The following RANBP17 variants were observed in gnomAD, a reference collection of about 807,000 sequenced individuals.
The protein encoded by RANBP17 is ran-binding protein 17.
In RANBP17, 158 loss-of-function variants were observed where a neutral mutation model predicts 141.2. That is an observed-to-expected ratio of 1.12 (90% CI 0.98 to 1.28). The LOEUF is 1.28. Ranked by LOEUF, RANBP17 falls within the 50% of genes most tolerant of loss-of-function variation. RANBP17 has a pLI of 0.00. For missense variants in RANBP17, 1,438 were observed against 1,290.7 expected (o/e 1.11, Z -1.75); for synonymous variants, 430 against 450.0 (o/e 0.96, Z 0.56).
At chr5:171,146,225 A>G (rs1415118632) in intron 14 of RANBP17, among the ~76,000 whole-genome samples, 1 of 152,226 alleles carries the variant, frequency 6.6e-6, no homozygotes, top group Non-Finnish European at 1.5e-5. Context: ...ATGGATGATA[A>G]GCAGTGTGCC....
chr5:171,114,665 T>C (rs1755486054), intron 14 of RANBP17, among the ~76,000 whole-genome samples: 1 of 149,526 alleles, frequency 6.7e-6, no homozygotes, highest in African/African-American at 2.5e-5. Flanking sequence ...TTGAATAATA[T>C]ATTTGCCAGC....
intron 14 of RANBP17, among the ~76,000 whole-genome samples, chr5:171,159,938 A>AAAAG (rs1561716519): frequency 6.6e-6 from 1 of 150,800 alleles, no homozygotes; most frequent in Non-Finnish European, 1.5e-5. Flanking sequence ...AAAAAAAAAA[A>AAAAG]AAAGAAAAAA....
chr5:171,224,017 C>CCCTAGT (rs1239196302), intron 22 of RANBP17, among the ~76,000 whole-genome samples: 11 of 152,212 alleles, frequency 7.2e-5, no homozygotes, highest in Non-Finnish European at 1.5e-4. Flanking sequence ...TTGAGCTATT[C>CCCTAGT]TGGTAAAAGG....
chr5:170,936,563 A>T (rs1402669443), intron 12 of RANBP17, among the ~76,000 whole-genome samples: 1 of 152,148 alleles, frequency 6.6e-6, no homozygotes, highest in Non-Finnish European at 1.5e-5. Context: ...ACTGATTTTT[A>T]AATTTTACCT....
At position 171,265,766 on chromosome 5, in the gene RANBP17, G is replaced by T; in HGVS notation, c.2862G>T (p.Lys954Asn). Residue 954 changes from lysine to asparagine, a missense_variant, in exon 25 of 28, where the codon AAG (lysine) becomes AAT (asparagine). Coordinates refer to ENST00000523189, the MANE Select transcript of RANBP17 (RefSeq NM_022897.5). ...AGCACATAGCAAAAGAGGGCAAGAAGCCACTTCGATGCAGAGAGGCTACCC... is the reference window on the plus strand; with the variant it reads ...AGCACATAGCAAAAGAGGGCAAGAATCCACTTCGATGCAGAGAGGCTACCC... Reference protein sequence around the residue: ...LFKHIAKEGKKPLRCREATQA... With the variant: ...LFKHIAKEGKNPLRCREATQA... The T allele has an allele frequency of 6.2e-7, 1 of 1,614,126 alleles. No individual in the cohort carries two copies. Among genetic ancestry groups the T allele is most frequent in the African/African-American group, 1.3e-5 (1 of 75,028 alleles).
intron 12 of RANBP17, among the ~76,000 whole-genome samples, chr5:170,928,861 G>T (rs1311132475): frequency 3.3e-5 from 5 of 151,496 alleles, no homozygotes; most frequent in Non-Finnish European, 7.4e-5. Flanking sequence ...TTCAAAGTAG[G>T]TGCTAGCATT....
chr5:171,176,615 A>T (rs1295883076), intron 16 of RANBP17, among the ~76,000 whole-genome samples: 1 of 152,132 alleles, frequency 6.6e-6, no homozygotes, highest in Non-Finnish European at 1.5e-5. Context: ...TATAGTTTCT[A>T]TTTCTTCTGT....
chr5:171,022,031 C>T (rs1235239176), intron 14 of RANBP17, among the ~76,000 whole-genome samples: 1 of 152,040 alleles, frequency 6.6e-6, no homozygotes, highest in Non-Finnish European at 1.5e-5. Context: ...TCAGGTCCCT[C>T]CTCTGTAGGG....
intron 18 of RANBP17, among the ~76,000 whole-genome samples, chr5:171,188,585 G>A (rs867455762): frequency 2.0e-5 from 3 of 152,144 alleles, no homozygotes; most frequent in South Asian, 2.1e-4. Context: ...TTAATAACAC[G>A]GTCACACAGA....
intron 14 of RANBP17, among the ~76,000 whole-genome samples, chr5:171,027,018 G>T (rs1781276824): frequency 6.6e-6 from 1 of 152,098 alleles, no homozygotes; most frequent in Admixed American, 6.6e-5. Flanking sequence ...GATCTAGGTT[G>T]CGGACTCCTC....
intron 4 of RANBP17, among the ~76,000 whole-genome samples, chr5:170,892,934 TTAAA>T (rs148303087): frequency 0.027 from 4,070 of 151,552 alleles, 167 homozygotes; most frequent in African/African-American, 0.093. Context: ...CTTAGAGGGG[TTAAA>T]TAATTTCTGT....
chr5:170,940,000 G>GA (rs1195495882), intron 12 of RANBP17, among the ~76,000 whole-genome samples: 1 of 151,998 alleles, frequency 6.6e-6, no homozygotes, highest in African/African-American at 2.4e-5. Context: ...AAAATAACCA[G>GA]AGACAATAGG....
At chr5:170,931,394 T>C (rs905566876) in intron 12 of RANBP17, among the ~76,000 whole-genome samples, 1 of 152,254 alleles carries the variant, frequency 6.6e-6, no homozygotes, top group Non-Finnish European at 1.5e-5. Context: ...TTTCTTTTGC[T>C]GTGCAGAAGC....
intron 22 of RANBP17, among the ~76,000 whole-genome samples, chr5:171,224,296 T>C (rs1763759485): frequency 6.6e-6 from 1 of 152,240 alleles, no homozygotes; most frequent in Admixed American, 6.5e-5. Context: ...GAACTTTAAC[T>C]ATGCATATGT....
chr5:170,895,163 AC>A (rs775018716), intron 4 of RANBP17, among the ~76,000 whole-genome samples: 6 of 152,070 alleles, frequency 3.9e-5, no homozygotes, highest in South Asian at 4.1e-4. Flanking sequence ...AAATTGTGAG[AC>A]CTTTTTTTGT....
At chr5:171,283,698 C>A (rs566826722) in intron 25 of RANBP17, among the ~76,000 whole-genome samples, 1 of 152,164 alleles carries the variant, frequency 6.6e-6, no homozygotes. Context: ...TGGGTGTTCA[C>A]GTGCATATGT....
At chr5:171,052,609 G>A (rs541091727) in intron 14 of RANBP17, among the ~76,000 whole-genome samples, 13 of 152,154 alleles carry the variant, frequency 8.5e-5, no homozygotes, top group South Asian at 2.1e-4. Context: ...ATTATCACAC[G>A]GTTTTGGTTA....
intron 5 of RANBP17, among the ~76,000 whole-genome samples, chr5:170,905,751 A>G (rs1025018843): frequency 3.9e-4 from 59 of 152,242 alleles, no homozygotes; most frequent in African/African-American, 1.2e-3. Context: ...AAGTGAAGAG[A>G]ATAGTATGAT....
intron 14 of RANBP17, among the ~76,000 whole-genome samples, chr5:171,073,653 A>G (rs1784751455): frequency 6.6e-6 from 1 of 152,138 alleles, no homozygotes; most frequent in Non-Finnish European, 1.5e-5. Context: ...GTAAAGGCCT[A>G]GAAGCAGTGT....
Sources: allele counts gnomAD v4.1 joint callset (sites outside exome capture counted in the v4.1 genomes callset), GRCh38; gene constraint gnomAD v4.1.1; transcripts MANE v1.5; gene names NCBI Gene and HGNC (gene_info 2026-07-23, HGNC 2026-07-21).